Variants in TBC1D8B observed in about 807,000 individuals in gnomAD.
TBC1D8B encodes RP11-321G1.1.
Under a neutral mutation model 82.9 loss-of-function variants are expected in TBC1D8B, and 75 were observed. The observed-to-expected ratio is 0.90, with a 90% confidence interval of 0.75 to 1.10. TBC1D8B has a LOEUF of 1.10. TBC1D8B is among the 50% of genes least tolerant of loss of function. TBC1D8B has a pLI of 0.00. For missense variants in TBC1D8B, 794 were observed against 796.9 expected, an observed-to-expected ratio of 1.00 and a Z score of 0.04; for synonymous variants, 276 against 276.8, an observed-to-expected ratio of 1.00 and a Z score of 0.03.
chrX:106,821,838 G>T, intron 3 of TBC1D8B, 139 bp from the exon 4 acceptor site: 1 of 515,090 alleles, frequency 1.9e-6, no homozygotes, highest in South Asian at 4.1e-5. Context: ...TCAATCCCTG[G>T]TTGGTTGAAT....
At chrX:106,871,126 T>C (rs1569279179) in intron 20 of TBC1D8B, among the ~76,000 whole-genome samples, 1 of 111,752 alleles carries the variant, frequency 8.9e-6, no homozygotes, top group Non-Finnish European at 1.9e-5. Context: ...GTTTACTGTA[T>C]ACCAGATACC....
chrX:106,840,084 C>T lies in TBC1D8B; in HGVS notation c.1390C>T (p.Leu464=), dbSNP rs1374496336. Residue 464 remains leucine, a synonymous_variant, in exon 9 of 21, where the codon CTG becomes TTG. Coordinates refer to ENST00000357242, the MANE Select transcript of TBC1D8B (RefSeq NM_017752.3). The part of the protein sequence containing the change: ...EKMKEQSWKI[L]FAECGRGVSM... ...AATGAAGGAACAGTCATGGAAAATACTGTTTGCAGAATGTGGACGTGGTGT... is the reference window on the plus strand; with the variant it reads ...AATGAAGGAACAGTCATGGAAAATATTGTTTGCAGAATGTGGACGTGGTGT... 7 of 1,206,520 alleles carry T rather than the reference C, an allele frequency of 5.8e-6. No individual in the cohort carries two copies. Among genetic ancestry groups the T allele is most frequent in the Non-Finnish European group, 7.8e-6 (7 of 893,526 alleles).
intron 18 of TBC1D8B, 23 bp from the exon 19 acceptor site, chrX:106,869,462 T>C (rs777163685): frequency 2.5e-6 from 3 of 1,189,300 alleles, no homozygotes; most frequent in South Asian, 3.6e-5. Flanking sequence ...TCTTACAGAA[T>C]GCAATTACAT....
In TBC1D8B at chrX:106,827,302, G is replaced by A. The variant is rs1931878756; in HGVS notation, c.1168G>A (p.Ala390Thr). The stretch of plus-strand genomic sequence containing the variant: ...AGCAAAACTCAGGCTCAGATGCGGA[G>A]CAGCTTCAACTCAATATCATGATAT... ...LVAKLRLRCGAASTQYHDIST... is the reference protein window; with the variant it reads ...LVAKLRLRCGTASTQYHDIST... The change falls in exon 7 of 21, where the codon GCA becomes ACA. Residue 390 changes from alanine to threonine, a missense_variant. Transcript: ENST00000357242. 1.7e-6 allele frequency: 2 copies of A among 1,210,908 alleles called. No homozygotes were observed. Among genetic ancestry groups the A allele is most frequent in the Non-Finnish European group, 2.2e-6 (2 of 895,046 alleles).
chrX:106,824,858 A>G (rs1931794384), intron 5 of TBC1D8B, among the ~76,000 whole-genome samples: 1 of 111,684 alleles, frequency 9.0e-6, no homozygotes, highest in African/African-American at 3.2e-5. Flanking sequence ...GAATATCTTT[A>G]TTGCTCTGCT....
chrX:106,840,296 A>G, intron 9 of TBC1D8B, 98 bp downstream of exon 9: 9 of 900,931 alleles, frequency 1.0e-5, no homozygotes, highest in Non-Finnish European at 1.4e-5. Context: ...AAAGATGGTT[A>G]ATACAAAGTC....
At chrX:106,855,920 C>T (rs1393560318) in intron 14 of TBC1D8B, among the ~76,000 whole-genome samples, 1 of 111,468 alleles carries the variant, frequency 9.0e-6, no homozygotes, top group Non-Finnish European at 1.9e-5. Context: ...CTCGTAGTCC[C>T]AGCTACTCAG....
chrX:106,823,226 T>C lies in TBC1D8B; in HGVS notation c.587T>C (p.Ile196Thr). ...ACCTGCTTATACCTCTTATTTGCAG[T>C]AAAACTCATTATCTCCTGGGATGAA... ...SFYSFLLGSEIKLIISWDEVS... is the reference protein window; with the variant it reads ...SFYSFLLGSETKLIISWDEVS... The change falls in exon 5 of 21, where the codon ATA (isoleucine) becomes ACA (threonine). Residue 196 changes from isoleucine (I) to threonine (T), a missense_variant and splice_region_variant. Ile to Thr is a moderately conservative substitution (Grantham distance 89). Coordinates refer to ENST00000357242, the MANE Select transcript of TBC1D8B (RefSeq NM_017752.3). 5 of 1,205,249 alleles carry C rather than the reference T, an allele frequency of 4.1e-6. No individual in the cohort carries two copies. The highest frequency in any genetic ancestry group is 5.6e-6 in the Non-Finnish European group (5 of 891,135).
At chrX:106,869,358 G>C (rs1932833181) in intron 18 of TBC1D8B, 127 bp from the exon 19 acceptor site, 1 of 450,177 alleles carries the variant, frequency 2.2e-6, no homozygotes, top group Non-Finnish European at 3.6e-6. Context: ...GATAGGTCAA[G>C]TCAGCTAAAA....
rs759409696 is a variant in TBC1D8B, at chrX:106,862,786, T to G, written c.2353-2773T>G. On this transcript the variant is annotated intron_variant, in intron 14 of 20. Transcript: ENST00000357242. ...GATGGGTTTTTTTTTGTTTTTTTTTTTTTTTTTTTTTTTTTTGCTTTTATC... is the reference window on the plus strand; with the variant it reads ...GATGGGTTTTTTTTTGTTTTTTTTTGTTTTTTTTTTTTTTTTGCTTTTATC... 6.8e-4 allele frequency among the ~76,000 whole-genome samples: 65 copies of G among 94,972 alleles called. No homozygotes were observed. In the South Asian group the frequency reaches 8.2e-3, roughly 12 times the overall value. The allele number at this position is 94,972 out of a possible 115,157, so 82.5% of individuals were successfully genotyped here.
chrX:106,819,537 T>C (rs1931639576), intron 2 of TBC1D8B, among the ~76,000 whole-genome samples: 1 of 111,364 alleles, frequency 9.0e-6, no homozygotes, highest in South Asian at 3.7e-4. Flanking sequence ...AGATATATTA[T>C]AATTTTTTAA....
intron 1 of TBC1D8B, among the ~76,000 whole-genome samples, chrX:106,808,510 A>G (rs1931261960): frequency 8.9e-6 from 1 of 112,454 alleles, no homozygotes; most frequent in African/African-American, 3.2e-5. Context: ...CTGATATGCA[A>G]TGATATCACT....
chrX:106,857,742 ATAT>A (rs1212521584), intron 14 of TBC1D8B, among the ~76,000 whole-genome samples: 2 of 112,300 alleles, frequency 1.8e-5, no homozygotes, highest in Non-Finnish European at 3.8e-5. Flanking sequence ...AAAGAACATA[ATAT>A]TATTCTTTTT....
chrX:106,831,703 T>G (rs1932050131), intron 7 of TBC1D8B, among the ~76,000 whole-genome samples: 1 of 112,001 alleles, frequency 8.9e-6, no homozygotes, highest in East Asian at 2.8e-4. Context: ...AAGAAAGGAT[T>G]TTGTTTCAAA....
chrX:106,855,733 C>T (rs1932681619), intron 14 of TBC1D8B, among the ~76,000 whole-genome samples: 1 of 111,866 alleles, frequency 8.9e-6, no homozygotes, highest in South Asian at 3.8e-4. Context: ...GAAGTGGAAG[C>T]TGGGTAAAAG....
At chrX:106,813,592 T>A (rs1569449029) in intron 1 of TBC1D8B, among the ~76,000 whole-genome samples, 1 of 112,115 alleles carries the variant, frequency 8.9e-6, no homozygotes, top group South Asian at 3.7e-4. Flanking sequence ...AAGATAGTTA[T>A]CTTTTATCTT....
chrX:106,840,793 AC>A lies in TBC1D8B; in HGVS notation c.1631del (p.Pro544GlnfsTer12). The A allele has an allele frequency of 1.7e-6, 2 of 1,211,247 alleles. No individual in the cohort carries two copies. Among genetic ancestry groups the A allele is most frequent in the Non-Finnish European group, 2.2e-6 (2 of 895,270 alleles). The part of the protein sequence containing the change: ...ERDLRRSLPE[H>X]PAFQSDTGIS... ...GATTTACGTCGCTCTCTGCCTGAGC[AC>A]CCAGCCTTTCAGAGTGATACTGGCA... On this transcript the variant is annotated frameshift_variant, in exon 10 of 21. Coordinates refer to ENST00000357242, the MANE Select transcript of TBC1D8B (RefSeq NM_017752.3). LOFTEE classifies it high-confidence loss of function.
intron 1 of TBC1D8B, chrX:106,815,726 G>A (rs763797386): frequency 3.4e-4 from 38 of 111,012 alleles, no homozygotes; most frequent in Admixed American, 3.2e-3. Flanking sequence ...ATTTCATTGA[G>A]CAGTGGTTTG....
At chrX:106,845,686 T>C (rs1317774178) in intron 10 of TBC1D8B, among the ~76,000 whole-genome samples, 1 of 111,578 alleles carries the variant, frequency 9.0e-6, no homozygotes, top group African/African-American at 3.3e-5. Flanking sequence ...ACTGTGAGTA[T>C]ACATAAAGCC....
Sources: allele counts gnomAD v4.1 joint callset (sites outside exome capture counted in the v4.1 genomes callset), GRCh38; gene constraint gnomAD v4.1.1; transcripts MANE v1.5; gene names NCBI Gene and HGNC (gene_info 2026-07-23, HGNC 2026-07-21).